RBFOX3: variants seen among roughly 807,000 people sequenced by gnomAD.
The protein encoded by RBFOX3 is RNA binding protein fox-1 homolog 3.
Under a neutral mutation model 48.7 loss-of-function variants are expected in RBFOX3, and 17 were observed. That is an observed-to-expected ratio of 0.35 (90% confidence interval 0.24 to 0.52). RBFOX3 has a LOEUF of 0.52. Among genes scored for constraint, RBFOX3 ranks in the 20% least tolerant of loss-of-function variants. RBFOX3 has a pLI of 0.94. For synonymous variants in RBFOX3, 212 were observed against 209.5 expected (o/e 1.01, Z -0.10); for missense variants, 382 against 497.5 (o/e 0.77, Z 2.21).
At chr17:79,617,358 C>T in the RBFOX3 span, among the ~76,000 whole-genome samples, 2 of 152,122 alleles carry the variant, frequency 1.3e-5, no homozygotes, top group Non-Finnish European at 2.9e-5. Flanking sequence ...TCTCTCCCCT[C>T]GTTCCCCTTC....
At chr17:79,609,410 G>A (rs2093917543) in intron 1 of RBFOX3, among the ~76,000 whole-genome samples, 1 of 152,192 alleles carries the variant, frequency 6.6e-6, no homozygotes, top group Non-Finnish European at 1.5e-5. Flanking sequence ...ACCAGCTGGG[G>A]CAGGAAGGGG....
chr17:79,455,312 G>A (rs1169680336), intron 2 of RBFOX3, among the ~76,000 whole-genome samples: 2 of 152,202 alleles, frequency 1.3e-5, no homozygotes, highest in East Asian at 1.9e-4. Flanking sequence ...GGCATCTGGG[G>A]AGGAGAAATT....
intron 1 of RBFOX3, among the ~76,000 whole-genome samples, chr17:79,487,240 T>G (rs1015084589): frequency 1.3e-5 from 2 of 152,128 alleles, no homozygotes; most frequent in Non-Finnish European, 2.9e-5. Flanking sequence ...TGAGATGCAC[T>G]GGCCAGGCAG....
intron 3 of RBFOX3, among the ~76,000 whole-genome samples, chr17:79,244,756 TCC>T (rs1491072818): frequency 4.2e-5 from 4 of 95,766 alleles, no homozygotes; most frequent in Non-Finnish European, 1.1e-4. Context: ...CTTCCTTCCT[TCC>T]TTTTCTTCCT....
In RBFOX3 at chr17:79,328,416, C is replaced by T. The variant is rs115578134; in HGVS notation, c.-174-20592G>A. Among the ~76,000 whole-genome samples the T allele has an allele frequency of 5.0e-3, 756 of 152,288 alleles. 8 individuals are homozygous for T. Among genetic ancestry groups the T allele is most frequent in the African/African-American group, 0.017 (723 of 41,546 alleles). On this transcript the variant is annotated intron_variant, in intron 2 of 14. Transcript: ENST00000693108. Reference sequence around the variant, plus strand: ...ACAATCTGTGGCTGAGATGCCTGGCCCCATAGCCACTGGCATATGTGGATT... The same window carrying T: ...ACAATCTGTGGCTGAGATGCCTGGCTCCATAGCCACTGGCATATGTGGATT...
chr17:79,191,410 G>A (rs922178276), intron 4 of RBFOX3, among the ~76,000 whole-genome samples: 19 of 152,190 alleles, frequency 1.2e-4, no homozygotes, highest in East Asian at 1.9e-4. Flanking sequence ...GCAAGGCCTC[G>A]GGAAACAGAA....
chr17:79,348,571 CTTTTTTTTTTTTTT>C (rs71358701), intron 2 of RBFOX3, among the ~76,000 whole-genome samples: 2 of 75,144 alleles, frequency 2.7e-5, no homozygotes, highest in African/African-American at 1.1e-4. Context: ...TTTTCTTTTC[CTTTTTTTTTTTTTT>C]TTTTTTTTTT....
intron 1 of RBFOX3, among the ~76,000 whole-genome samples, chr17:79,558,938 C>T (rs2091980350): frequency 6.6e-6 from 1 of 152,096 alleles, no homozygotes; most frequent in Non-Finnish European, 1.5e-5. Context: ...GGCAGGTGCC[C>T]TCACATAGCA....
chr17:79,620,047 G>A, the RBFOX3 span, among the ~76,000 whole-genome samples: 10 of 121,840 alleles, frequency 8.2e-5, no homozygotes, highest in Middle Eastern at 6.0e-3. Flanking sequence ...ATGCACACAC[G>A]CACATGCACA....
At chr17:79,170,405 A>G (rs1446446018) in intron 4 of RBFOX3, among the ~76,000 whole-genome samples, 2 of 151,874 alleles carry the variant, frequency 1.3e-5, no homozygotes, top group Admixed American at 1.3e-4. Flanking sequence ...CTGGAGCCTG[A>G]GGGAGGGCTC....
At chr17:79,526,529 C>G (rs2150041477) in intron 1 of RBFOX3, among the ~76,000 whole-genome samples, 1 of 152,360 alleles carries the variant, frequency 6.6e-6, no homozygotes, top group South Asian at 2.1e-4. Flanking sequence ...CGGACGCACT[C>G]TTGGACCAGG....
the RBFOX3 span, among the ~76,000 whole-genome samples, chr17:79,634,902 T>C: frequency 0.024 from 3,682 of 151,190 alleles, 297 homozygotes; most frequent in East Asian, 0.28. Flanking sequence ...TCTACTAAAA[T>C]TACAAAAATT....
intron 4 of RBFOX3, among the ~76,000 whole-genome samples, chr17:79,180,409 G>A (rs1486938611): frequency 6.6e-6 from 1 of 152,184 alleles, no homozygotes; most frequent in South Asian, 2.1e-4. Context: ...TTGATTTCAC[G>A]TCTTTTGCTC....
chr17:79,620,494 C>T, the RBFOX3 span, among the ~76,000 whole-genome samples: 17 of 136,804 alleles, frequency 1.2e-4, no homozygotes, highest in East Asian at 3.1e-3. Flanking sequence ...CGTGCACACA[C>T]GCGCACACAC....
At chr17:79,320,577 C>A (rs1378152002) in intron 2 of RBFOX3, among the ~76,000 whole-genome samples, 1 of 152,226 alleles carries the variant, frequency 6.6e-6, no homozygotes, top group East Asian at 1.9e-4. Flanking sequence ...CTAACCAGCT[C>A]TACTGCCAGA....
intron 1 of RBFOX3, among the ~76,000 whole-genome samples, chr17:79,510,215 C>A (rs989800534): frequency 2.0e-5 from 3 of 152,180 alleles, no homozygotes; most frequent in Admixed American, 2.0e-4. Context: ...AGCCACCAGC[C>A]CTTCCCATCG....
At chr17:79,100,657 C>T (rs544472216) in intron 9 of RBFOX3, among the ~76,000 whole-genome samples, 22 of 152,316 alleles carry the variant, frequency 1.4e-4, no homozygotes, top group South Asian at 8.3e-4. Flanking sequence ...AGATCCATCC[C>T]GTCTAGGGGC....
chr17:79,440,665 A>G (rs1555734295), intron 2 of RBFOX3, among the ~76,000 whole-genome samples: 1 of 152,042 alleles, frequency 6.6e-6, no homozygotes. Flanking sequence ...TCGCACCCCA[A>G]CTGTGAGAAA....
chr17:79,121,917 A>G (rs1229498202), intron 4 of RBFOX3, among the ~76,000 whole-genome samples: 1 of 152,080 alleles, frequency 6.6e-6, no homozygotes, highest in Non-Finnish European at 1.5e-5. Flanking sequence ...CCAGAATCCC[A>G]GCTGCCCCTT....
Sources: gnomAD v4.1 joint callset for allele counts (sites outside exome capture counted in the v4.1 genomes callset) on GRCh38, gnomAD v4.1.1 for gene constraint, MANE v1.5 for transcripts, NCBI Gene and HGNC (gene_info 2026-07-23, HGNC 2026-07-21) for gene names.